DOCK2: variants seen among roughly 807,000 people sequenced by gnomAD.
The protein encoded by DOCK2 is dedicator of cytokinesis 2.
Under a neutral mutation model 248.9 loss-of-function variants are expected in DOCK2, and 87 were observed. That is an observed-to-expected ratio of 0.35 (90% CI 0.29 to 0.42). The LOEUF (loss-of-function observed/expected upper bound fraction) is 0.42, where lower values mean the gene tolerates loss of function less well. Among genes scored for constraint, DOCK2 ranks in the 10% least tolerant of loss-of-function variants. The pLI, the probability that DOCK2 is intolerant of heterozygous loss-of-function variation, is 1.00. For missense variants in DOCK2, 1,747 were observed against 2,300.2 expected (o/e 0.76, Z 4.92); for synonymous variants, 805 against 821.6 (o/e 0.98, Z 0.35).
chr5:169,754,220 G>T (rs1002242004), intron 23 of DOCK2, among the ~76,000 whole-genome samples: 5 of 152,146 alleles, frequency 3.3e-5, no homozygotes, highest in Admixed American at 2.6e-4. Context: ...GTCTGGTTTT[G>T]ATTTTTGTTG....
At chr5:169,973,131 T>G (rs868202995) in intron 27 of DOCK2, among the ~76,000 whole-genome samples, 20 of 152,196 alleles carry the variant, frequency 1.3e-4, no homozygotes, top group Admixed American at 2.6e-4. Context: ...CAAAGTAATC[T>G]TCCCTCCTGG....
At chr5:170,057,501 GC>G in intron 43 of DOCK2, 78 bp from the exon 44 acceptor site, 1 of 1,369,298 alleles carries the variant, frequency 7.3e-7, no homozygotes, top group Non-Finnish European at 1.0e-6. Context: ...CTGGGTTTCT[GC>G]CAAGCTTCTC....
At chr5:169,954,993 A>T (rs114784331) in intron 27 of DOCK2, among the ~76,000 whole-genome samples, 4,654 of 152,212 alleles carry the variant, frequency 0.031, 167 homozygotes, top group African/African-American at 0.082. Flanking sequence ...GACTTGGCAA[A>T]CCTCCATGAG....
chr5:170,044,779 A>G (rs1263722663), intron 38 of DOCK2, among the ~76,000 whole-genome samples: 1 of 152,122 alleles, frequency 6.6e-6, no homozygotes, highest in Non-Finnish European at 1.5e-5. Flanking sequence ...CTTTTGCTAC[A>G]CAGCTCACAC....
rs547223775 is a variant in DOCK2 at position 170,033,581 on chromosome 5, G to A, written c.3468-818G>A. ...ATGCAGTGTTCGGCAGTAGAGACACGGATGCTGGGGCCAGACTTTTTGATA... is the reference window on the plus strand; with the variant it reads ...ATGCAGTGTTCGGCAGTAGAGACACAGATGCTGGGGCCAGACTTTTTGATA... On this transcript the variant is annotated intron_variant, in intron 34 of 51. Coordinates refer to ENST00000520908, the MANE Select transcript of DOCK2 (RefSeq NM_004946.3). 2.3e-3 allele frequency among the ~76,000 whole-genome samples: 350 copies of A among 152,258 alleles called. 2 individuals are homozygous for A. The highest frequency in any genetic ancestry group is 3.8e-3 in the Non-Finnish European group (260 of 68,016).
intron 14 of DOCK2, chr5:169,702,697 G>GTATGTATGTATT (rs149069079): frequency 2.9e-5 from 6 of 205,776 alleles, no homozygotes; most frequent in Non-Finnish European, 5.9e-5. Context: ...ATGTATGTAT[G>GTATGTATGTATT]TATTTATTTA....
chr5:169,641,373 G>A (rs890878229), intron 1 of DOCK2, among the ~76,000 whole-genome samples: 2 of 152,170 alleles, frequency 1.3e-5, no homozygotes, highest in South Asian at 4.1e-4. Context: ...TAACCAGCTC[G>A]TGGTTCAGGG....
At chr5:169,846,588 A>G (rs1011502128) in intron 27 of DOCK2, among the ~76,000 whole-genome samples, 1 of 127,128 alleles carries the variant, frequency 7.9e-6, no homozygotes, top group East Asian at 2.4e-4. Context: ...GAAAGTGTAT[A>G]TATATATATA....
chr5:170,081,360 C>T (rs1027138991), intron 50 of DOCK2: 2 of 157,732 alleles, frequency 1.3e-5, no homozygotes, highest in African/African-American at 4.8e-5. Flanking sequence ...AACCAGCAGT[C>T]AGAGAGTAAC....
intron 26 of DOCK2, among the ~76,000 whole-genome samples, chr5:169,836,248 G>A (rs974492118): frequency 2.0e-5 from 3 of 152,282 alleles, no homozygotes; most frequent in Admixed American, 2.0e-4. Context: ...TGGTAAACCA[G>A]GGAACAAGCT....
intron 27 of DOCK2, among the ~76,000 whole-genome samples, chr5:169,972,563 AG>A (rs1777547350): frequency 1.7e-5 from 1 of 59,022 alleles, no homozygotes; most frequent in African/African-American, 7.1e-5. Context: ...ATAGATAGAT[AG>A]ATAGATAGAT....
chr5:169,844,192 G>GGAATTATATATTTTA (rs1394999390), intron 27 of DOCK2, among the ~76,000 whole-genome samples: 2 of 152,134 alleles, frequency 1.3e-5, no homozygotes, highest in African/African-American at 4.8e-5. Context: ...AGCATTCCCT[G>GGAATTATATATTTTA]AAACTAGGAG....
chr5:169,669,187 A>G, intron 2 of DOCK2, 101 bp from the exon 3 acceptor site: 1 of 1,407,298 alleles, frequency 7.1e-7, no homozygotes, highest in Admixed American at 1.8e-5. Context: ...AGCAATTTGC[A>G]GTAGTTTTAC....
chr5:169,772,253 T>G (rs1765127667), intron 25 of DOCK2, among the ~76,000 whole-genome samples: 1 of 152,242 alleles, frequency 6.6e-6, no homozygotes, highest in Non-Finnish European at 1.5e-5. Flanking sequence ...TTCAGTGTGA[T>G]GTTAGCATCC....
intron 27 of DOCK2, among the ~76,000 whole-genome samples, chr5:169,956,913 C>T (rs1776890054): frequency 6.6e-6 from 1 of 152,140 alleles, no homozygotes. Flanking sequence ...TGCCTGGTTT[C>T]TGTCCCTGGA....
At chr5:170,017,979 T>G (rs1755592694) in intron 32 of DOCK2, among the ~76,000 whole-genome samples, 3 of 152,268 alleles carry the variant, frequency 2.0e-5, no homozygotes. Flanking sequence ...ATTTATTTTC[T>G]CATTCAGCAG....
In DOCK2 at chr5:169,736,373, C is replaced by G. The variant is rs182970869; in HGVS notation, c.2268-11023C>G. 2.0e-5 allele frequency among the ~76,000 whole-genome samples: 3 copies of G among 152,240 alleles called. No homozygotes were observed. The East Asian group carries it at 5.8e-4, about 29-fold the overall frequency. ...AAAGCTCACCTGTTTGGGTCAGGGG[C>G]CTTCTTCTTTTATCAACTTTTCCTC... On this transcript the variant is annotated intron_variant, in intron 22 of 51. Transcript: ENST00000520908.
chr5:169,836,532 C>T (rs375515880), intron 26 of DOCK2, among the ~76,000 whole-genome samples: 25 of 152,236 alleles, frequency 1.6e-4, no homozygotes, highest in East Asian at 1.2e-3. Context: ...AAGGACCTTC[C>T]GTGTGGTTTT....
At chr5:169,744,972 C>T (rs534902521) in intron 22 of DOCK2, among the ~76,000 whole-genome samples, 30 of 152,256 alleles carry the variant, frequency 2.0e-4, no homozygotes, top group African/African-American at 7.0e-4. Context: ...GAAGCCAGGT[C>T]GGGATGTTAA....
Sources: allele counts gnomAD v4.1 joint callset (sites outside exome capture counted in the v4.1 genomes callset), GRCh38; gene constraint gnomAD v4.1.1; transcripts MANE v1.5; gene names NCBI Gene and HGNC (gene_info 2026-07-23, HGNC 2026-07-21).